MMRN1: variants seen among roughly 807,000 people sequenced by gnomAD.
MMRN1 encodes multimerin 1.
MMRN1 carries 94 observed loss-of-function variants against 100.7 expected under a neutral mutation model. The observed-to-expected ratio is 0.93, with a 90% confidence interval of 0.79 to 1.11. The LOEUF (loss-of-function observed/expected upper bound fraction) is 1.11, where lower values mean the gene tolerates loss of function less well. Among genes scored for constraint, MMRN1 ranks in the 50% least tolerant of loss-of-function variants. MMRN1 has a pLI of 0.00. For missense variants in MMRN1, 1,606 were observed against 1,439.1 expected, an observed-to-expected ratio of 1.12 and a Z score of -1.88; for synonymous variants, 575 against 505.0, an observed-to-expected ratio of 1.14 and a Z score of -1.86.
Position 89,935,042 on chromosome 4 carries a change from T to A in MMRN1, c.1362T>A (p.Thr454=). The change falls in exon 6 of 8, where the codon ACT becomes ACA. Residue 454 remains threonine (T), a synonymous_variant. Coordinates refer to ENST00000264790, the MANE Select transcript of MMRN1 (RefSeq NM_007351.3). ...VLVQENRPTL[T]DIVELRNHIV... is the part of the protein sequence containing the mutation. ...TGCAAGAGAATCGGCCCACTTTGAC[T>A]GATATAGTGGAACTAAGGAATCACA... 6.2e-7 allele frequency: 1 copy of A among 1,613,498 alleles called. No individual in the cohort carries two copies. Among genetic ancestry groups the A allele is most frequent in the Non-Finnish European group, 8.5e-7 (1 of 1,179,738 alleles).
intron 1 of MMRN1, among the ~76,000 whole-genome samples, chr4:89,901,721 T>A (rs1046281313): frequency 3.3e-5 from 5 of 152,076 alleles, no homozygotes. Context: ...ATATTCTCTA[T>A]CAACTTTTAC....
chr4:89,938,558 T>C (rs1032902166), intron 6 of MMRN1, among the ~76,000 whole-genome samples: 1 of 147,146 alleles, frequency 6.8e-6, no homozygotes, highest in Admixed American at 6.9e-5. Flanking sequence ...AAAATTGAAA[T>C]AGCCTCAAAT....
At chr4:89,927,469 C>T (rs1159143325) in intron 4 of MMRN1, among the ~76,000 whole-genome samples, 2 of 151,980 alleles carry the variant, frequency 1.3e-5, no homozygotes, top group Non-Finnish European at 2.9e-5. Flanking sequence ...GTTTTGTATC[C>T]TGCAATTTTA....
chr4:89,936,894 C>G, intron 6 of MMRN1, 96 bp downstream of exon 6: 1 of 1,142,756 alleles, frequency 8.8e-7, no homozygotes, highest in Non-Finnish European at 1.2e-6. Flanking sequence ...AAACATAAAA[C>G]TACATACTTG....
chr4:89,921,816 C>A (rs1722098479), intron 3 of MMRN1, among the ~76,000 whole-genome samples: 1 of 152,102 alleles, frequency 6.6e-6, no homozygotes, highest in Admixed American at 6.6e-5. Flanking sequence ...TATAGACTCA[C>A]CCAAATTAAT....
chr4:89,953,902 T>G lies in MMRN1; in HGVS notation c.*484T>G, dbSNP rs2110662525. On this transcript the variant is annotated 3_prime_UTR_variant, in exon 8 of 8. Transcript: ENST00000264790. ...TTTTATTTTTACTCTTTACGTTGAGTTGATCAATTTTCCATACTAAGATTT... is the reference window on the plus strand; with the variant it reads ...TTTTATTTTTACTCTTTACGTTGAGGTGATCAATTTTCCATACTAAGATTT... 1 of 152,312 alleles carries G rather than the reference T, an allele frequency of 6.6e-6. No homozygotes were observed. The highest frequency in any genetic ancestry group is 3.4e-3 in the Middle Eastern group (1 of 294). 9.4% of individuals were successfully genotyped at this position (152,312 alleles called of 1,614,324 possible).
intron 3 of MMRN1, among the ~76,000 whole-genome samples, chr4:89,917,640 G>A (rs770859384): frequency 5.3e-5 from 8 of 151,626 alleles, no homozygotes; most frequent in African/African-American, 1.5e-4. Flanking sequence ...TATTGATGTC[G>A]TCTTTCTTTT....
intron 2 of MMRN1, among the ~76,000 whole-genome samples, chr4:89,910,036 A>T (rs960060661): frequency 6.6e-6 from 1 of 151,166 alleles, no homozygotes; most frequent in Non-Finnish European, 1.5e-5. Context: ...TGCAATAAAA[A>T]CTCCAATTGT....
chr4:89,936,773 A>T lies in MMRN1; in HGVS notation c.3093A>T (p.Arg1031Ser). 1.2e-6 allele frequency: 2 copies of T among 1,600,016 alleles called. No individual in the cohort carries two copies. The highest frequency in any genetic ancestry group is 1.7e-6 in the Non-Finnish European group (2 of 1,175,558). ...CAGTCCTGATAGGCCGGACTCAAAGAAACACGGACAACATAATATATCCTG... is the reference window on the plus strand; with the variant it reads ...CAGTCCTGATAGGCCGGACTCAAAGTAACACGGACAACATAATATATCCTG... ...LTTVLIGRTQ[R>S]NTDNIIYPEE... is the part of the protein sequence containing the mutation. The change falls in exon 6 of 8, where the codon AGA becomes AGT. Residue 1031 changes from arginine (R) to serine (S), a missense_variant. Coordinates refer to ENST00000264790, the MANE Select transcript of MMRN1 (RefSeq NM_007351.3).
chr4:89,897,586 A>G (rs1490919064), intron 1 of MMRN1, among the ~76,000 whole-genome samples: 1 of 152,216 alleles, frequency 6.6e-6, no homozygotes, highest in Non-Finnish European at 1.5e-5. Flanking sequence ...TAAATTTTAC[A>G]TACCATATAG....
intron 5 of MMRN1, among the ~76,000 whole-genome samples, chr4:89,930,006 G>C (rs957491531): frequency 3.9e-5 from 6 of 152,132 alleles, no homozygotes; most frequent in Admixed American, 6.6e-5. Context: ...ATTACAGAAG[G>C]TGAATGCTAA....
intron 5 of MMRN1, among the ~76,000 whole-genome samples, chr4:89,928,995 C>T (rs1236264894): frequency 6.6e-6 from 1 of 151,972 alleles, no homozygotes; most frequent in Non-Finnish European, 1.5e-5. Context: ...TACAATGGGA[C>T]CACTTGACAC....
At chr4:89,926,612 G>T (rs559101559) in intron 4 of MMRN1, among the ~76,000 whole-genome samples, 191 of 152,130 alleles carry the variant, frequency 1.3e-3, no homozygotes, top group African/African-American at 4.3e-3. Flanking sequence ...TTCTTTTGCT[G>T]TGCAGAAGCT....
intron 1 of MMRN1, among the ~76,000 whole-genome samples, chr4:89,880,420 C>T (rs1005213813): frequency 1.3e-5 from 2 of 152,102 alleles, no homozygotes; most frequent in African/African-American, 4.8e-5. Context: ...TTAACCATTA[C>T]CTACTATAAT....
upstream of MMRN1, among the ~76,000 whole-genome samples, chr4:89,890,688 T>G (rs1721036521): frequency 6.6e-6 from 1 of 152,054 alleles, no homozygotes. Flanking sequence ...TCAAAAGAAA[T>G]GCGTTTTGAA....
chr4:89,927,764 T>C, intron 4 of MMRN1, 31 bp from the exon 5 acceptor site: 2 of 1,584,560 alleles, frequency 1.3e-6, no homozygotes, highest in Non-Finnish European at 1.7e-6. Context: ...ATATATTTTT[T>C]AATGGTCTCA....
At chr4:89,928,545 T>C (rs1722338215) in intron 5 of MMRN1, among the ~76,000 whole-genome samples, 1 of 152,178 alleles carries the variant, frequency 6.6e-6, no homozygotes, top group Non-Finnish European at 1.5e-5. Flanking sequence ...CTATGTTTCT[T>C]TCTGGAGGAT....
At chr4:89,941,304 C>T (rs1722814131) in intron 6 of MMRN1, among the ~76,000 whole-genome samples, 1 of 152,068 alleles carries the variant, frequency 6.6e-6, no homozygotes, top group South Asian at 2.1e-4. Flanking sequence ...ACATCTGTGG[C>T]TTATTATGGC....
intron 5 of MMRN1, among the ~76,000 whole-genome samples, chr4:89,933,573 C>T (rs1013224547): frequency 6.6e-6 from 1 of 152,120 alleles, no homozygotes; most frequent in Admixed American, 6.6e-5. Flanking sequence ...GCTTCACAAT[C>T]GTGGCAGAAG....
Sources: gnomAD v4.1 joint callset for allele counts (sites outside exome capture counted in the v4.1 genomes callset) on GRCh38, gnomAD v4.1.1 for gene constraint, MANE v1.5 for transcripts, NCBI Gene and HGNC (gene_info 2026-07-23, HGNC 2026-07-21) for gene names.